The following SLC19A1 variants were observed in gnomAD, a reference collection of about 807,000 sequenced individuals.
SLC19A1 encodes the protein solute carrier family 19 member 1.
SLC19A1 carries 37 observed loss-of-function variants against 35.3 expected under a neutral mutation model. The ratio of observed to expected loss-of-function variants is 1.05; its 90% CI spans 0.81 to 1.38. The LOEUF is 1.38. Among genes scored for constraint, SLC19A1 ranks in the 40% most tolerant of loss-of-function variants. SLC19A1 has a pLI of 0.00. For missense variants in SLC19A1, 831 were observed against 826.9 expected, an observed-to-expected ratio of 1.00 and a Z score of -0.06; for synonymous variants, 460 against 398.5, an observed-to-expected ratio of 1.15 and a Z score of -1.84.
chr21:45,507,732 A>G, downstream of SLC19A1: 1 of 823,454 alleles, frequency 1.2e-6, no homozygotes, highest in Non-Finnish European at 2.0e-6. Flanking sequence ...CCCCTGCTGC[A>G]GAAACTGGTG....
chr21:45,509,385 C>G (rs529776494), downstream of SLC19A1: 2 of 1,542,062 alleles, frequency 1.3e-6, no homozygotes, highest in Non-Finnish European at 1.7e-6. Flanking sequence ...TGCAGCCCCC[C>G]GTGGTGCAGC....
At chr21:45,523,947 G>A (rs1176796073) in intron 5 of SLC19A1, among the ~76,000 whole-genome samples, 2 of 152,192 alleles carry the variant, frequency 1.3e-5, no homozygotes, top group African/African-American at 2.4e-5. Flanking sequence ...TTCAACAGAA[G>A]CCTTCTGGGC....
intron 4 of SLC19A1, among the ~76,000 whole-genome samples, chr21:45,529,779 AGTGTGGTGTATCCATCTGTGAGT>A (rs1205017753): frequency 6.1e-5 from 9 of 146,804 alleles, no homozygotes; most frequent in African/African-American, 1.5e-4. Context: ...TGTTCATGTG[AGTGTGGTGTATCCATCTGTGAGT>A]GTGTGGTGTG....
In SLC19A1 at chr21:45,515,685, G is replaced by T; in HGVS notation, c.1749C>A (p.Ser583Arg). 1.2e-6 allele frequency: 2 copies of T among 1,613,714 alleles called. No individual in the cohort carries two copies. Among genetic ancestry groups the T allele is most frequent in the Non-Finnish European group, 1.7e-6 (2 of 1,180,014 alleles). The change falls in exon 6 of 6, where the codon AGC (serine) becomes AGA (arginine). Residue 583 changes from serine (S) to arginine (R), a missense_variant. Coordinates refer to ENST00000311124, the MANE Select transcript of SLC19A1 (RefSeq NM_194255.4). Reference protein sequence around the residue: ...VSKLGLQCLPSDGVQNVNQ With the variant: ...VSKLGLQCLPRDGVQNVNQ ...ACTGGTTCACATTCTGAACACCGTC[G>T]CTTGGAAGACACTGCAAACCCAGCT...
Position 45,530,653 on chromosome 21 carries a change from G to C in SLC19A1, c.1151+117C>G, listed in dbSNP as rs967694574. 6.4e-6 allele frequency: 7 copies of C among 1,089,738 alleles called. No individual in the cohort carries two copies. The highest frequency in any genetic ancestry group is 5.1e-5 in the Admixed American group (2 of 39,596). 67.5% of individuals were successfully genotyped at this position (1,089,738 alleles called of 1,614,324 possible). ...CCCTGGTCAGCTCCAGGTGGCTGGC[G>C]GGGCCAGCAGTGGCACAGCCGCTGG... On this transcript the variant is annotated intron_variant, in intron 4 of 5. Transcript: ENST00000311124. The surrounding 1 kb of genome is among the most constrained non-coding windows in gnomAD (Gnocchi z 5.3).
upstream of SLC19A1, among the ~76,000 whole-genome samples, chr21:45,543,197 T>C (rs2078364666): frequency 6.6e-6 from 1 of 152,042 alleles, no homozygotes; most frequent in East Asian, 1.9e-4. Flanking sequence ...CCTGGGCCAC[T>C]CTCCCAGGAA....
downstream of SLC19A1, among the ~76,000 whole-genome samples, chr21:45,510,561 C>T (rs1232637782): frequency 6.6e-6 from 1 of 152,134 alleles, no homozygotes; most frequent in East Asian, 1.9e-4. Flanking sequence ...GCTGCTGGAC[C>T]AAGTGTCCAC....
At chr21:45,506,352 G>T (rs917223190) in intron 3 of SLC19A1, 8 of 354,618 alleles carry the variant, frequency 2.3e-5, no homozygotes, top group African/African-American at 4.3e-5. Flanking sequence ...GGCCCCGGCT[G>T]GGGGGCAGGC....
At position 45,515,287 on chromosome 21, in the gene SLC19A1, G is replaced by A; in HGVS notation, c.*371C>T. On this transcript the variant is annotated 3_prime_UTR_variant, in exon 6 of 6. Coordinates refer to ENST00000311124, the MANE Select transcript of SLC19A1 (RefSeq NM_194255.4). ...CCTAGAGGGCTCACAACTCCTGTGG[G>A]GCCAGTGTCCCCTGAGCTGGTATCC... 3.4e-6 allele frequency: 5 copies of A among 1,480,850 alleles called. No homozygotes were observed. The highest frequency in any genetic ancestry group is 4.4e-6 in the Non-Finnish European group (5 of 1,129,332). 91.7% of individuals were successfully genotyped at this position (1,480,850 alleles called of 1,614,324 possible).
downstream of SLC19A1, among the ~76,000 whole-genome samples, chr21:45,508,443 G>A: frequency 6.6e-6 from 1 of 151,030 alleles, no homozygotes; most frequent in South Asian, 2.1e-4. Flanking sequence ...TGGTGGGTAA[G>A]TGGGTGAGTG....
In SLC19A1 at chr21:45,516,280, G is replaced by A. The variant is rs542261978; in HGVS notation, c.1294-140C>T. On this transcript the variant is annotated intron_variant, in intron 5 of 5. Coordinates refer to ENST00000311124, the MANE Select transcript of SLC19A1 (RefSeq NM_194255.4). Reference sequence around the variant, plus strand: ...AACACTGCACAGCGGTCAGAGGCCAGCCCCAGGAGCAGGTGCCACAGTGCT... The same window carrying A: ...AACACTGCACAGCGGTCAGAGGCCAACCCCAGGAGCAGGTGCCACAGTGCT... 6.8e-5 allele frequency: 45 copies of A among 662,582 alleles called. No individual in the cohort carries two copies. In the South Asian group the frequency reaches 8.7e-4, roughly 13 times the overall value. The allele number at this position is 662,582 out of a possible 1,614,324, so 41.0% of individuals were successfully genotyped here. A position where few individuals can be genotyped will look rare whatever the true frequency, so the allele number is the denominator to read the frequency against.
At chr21:45,548,698 C>T (rs943194106), upstream of SLC19A1, among the ~76,000 whole-genome samples, 1 of 152,064 alleles carries the variant, frequency 6.6e-6, no homozygotes, top group Non-Finnish European at 1.5e-5. Context: ...GAGCCGAGAG[C>T]TCACCTCTGC....
At chr21:45,504,219 G>A (rs868489668) in intron 3 of SLC19A1, 2 of 937,950 alleles carry the variant, frequency 2.1e-6, no homozygotes, top group Admixed American at 2.1e-5. Flanking sequence ...GGATGTTCCT[G>A]TCCCCGGCTC....
In SLC19A1 at chr21:45,532,056, C is replaced by T. The variant is rs778659888; in HGVS notation, c.282G>A (p.Pro94=). 1.2e-5 allele frequency: 19 copies of T among 1,612,356 alleles called. No individual in the cohort carries two copies. Among genetic ancestry groups the T allele is most frequent in the Non-Finnish European group, 1.2e-5 (14 of 1,179,776 alleles). ...AGCTGAGCCCCTGCAGCAGCAGCACCGGCGTGTAGCGCAGGTAGTCGGTGA... is the reference window on the plus strand; with the variant it reads ...AGCTGAGCCCCTGCAGCAGCAGCACTGGCGTGTAGCGCAGGTAGTCGGTGA... ...FLLTDYLRYT[P]VLLLQGLSFV... Residue 94 remains proline (P), a synonymous_variant, in exon 3 of 6, where the codon CCG becomes CCA. Transcript: ENST00000311124.
intron 3 of SLC19A1, among the ~76,000 whole-genome samples, chr21:45,503,208 T>C (rs1235159032): frequency 2.0e-5 from 3 of 152,196 alleles, no homozygotes; most frequent in Non-Finnish European, 4.4e-5. Flanking sequence ...GTGTTCCTAT[T>C]TCTCTACATC....
chr21:45,560,713 C>T (rs2838961), intron 1 of SLC19A1, among the ~76,000 whole-genome samples: 57,774 of 152,118 alleles, frequency 0.38, 10,991 homozygotes, highest in East Asian at 0.42. Context: ...AGGTGCCTTG[C>T]GGAGTGGTGA....
At position 45,516,002 on chromosome 21, in the gene SLC19A1, C is replaced by A; in HGVS notation, c.1432G>T (p.Glu478Ter). 6.4e-7 allele frequency: 1 copy of A among 1,569,612 alleles called. No individual in the cohort carries two copies. Among genetic ancestry groups the A allele is most frequent in the South Asian group, 1.2e-5 (1 of 86,080 alleles). ...ACGCTCAGTGCCTGTGCTGCCTTCTCCTCCGCGGCACTCCTCAGGCCCTGG... is the reference window on the plus strand; with the variant it reads ...ACGCTCAGTGCCTGTGCTGCCTTCTACTCCGCGGCACTCCTCAGGCCCTGG... ...PAQGLRSAAEEKAAQALSVQD... is the reference protein window; with the variant it reads ...PAQGLRSAAE Residue 478 changes from glutamate to a stop codon, truncating the protein, a stop_gained, in exon 6 of 6, where the codon GAG becomes TAG. Coordinates refer to ENST00000311124, the MANE Select transcript of SLC19A1 (RefSeq NM_194255.4). LOFTEE classifies it low-confidence loss of function (END_TRUNC).
At position 45,514,184 on chromosome 21, in the gene SLC19A1, A is replaced by T. The variant is rs2037766960; in HGVS notation, c.*1474T>A. On this transcript the variant is annotated 3_prime_UTR_variant, in exon 6 of 6. Coordinates refer to ENST00000311124, the MANE Select transcript of SLC19A1 (RefSeq NM_194255.4). ...GGCCTCCCCAGTGACGCTCTAGCCC[A>T]TGGCACAGGCCCAGCCCACCTCCAC... 1 of 152,064 alleles carries T rather than the reference A, an allele frequency of 6.6e-6. No individual in the cohort carries two copies. Among genetic ancestry groups the T allele is most frequent in the African/African-American group, 2.4e-5 (1 of 41,332 alleles). 9.4% of individuals were successfully genotyped at this position (152,064 alleles called of 1,614,324 possible). A position where few individuals can be genotyped will look rare whatever the true frequency, so the allele number is the denominator to read the frequency against.
At position 45,530,816 on chromosome 21, in the gene SLC19A1, A is replaced by T; in HGVS notation, c.1105T>A (p.Phe369Ile). 1 of 1,562,656 alleles carries T rather than the reference A, an allele frequency of 6.4e-7. No individual in the cohort carries two copies. Among genetic ancestry groups the T allele is most frequent in the Non-Finnish European group, 8.7e-7 (1 of 1,154,746 alleles). ...PSSIWLCYAA[F>I]VLFRGSYQFL... is the part of the protein sequence containing the mutation. ...TGGTAGGAGCCGCGGAACAGCACGAAGGCCGCATAGCACAGCCAGATGCTG... is the reference window on the plus strand; with the variant it reads ...TGGTAGGAGCCGCGGAACAGCACGATGGCCGCATAGCACAGCCAGATGCTG... The change falls in exon 4 of 6, where the codon TTC becomes ATC. Residue 369 changes from phenylalanine (F) to isoleucine (I), a missense_variant. Coordinates refer to ENST00000311124, the MANE Select transcript of SLC19A1 (RefSeq NM_194255.4). This position sits in a 1 kb window ranked among gnomAD's most constrained non-coding sequence, Gnocchi z 5.3.
Sources: gnomAD v4.1 joint callset for allele counts (sites outside exome capture counted in the v4.1 genomes callset) on GRCh38, gnomAD v4.1.1 for gene constraint, Gnocchi (gnomAD v3.1) non-coding constraint, MANE v1.5 for transcripts, NCBI Gene and HGNC (gene_info 2026-07-23, HGNC 2026-07-21) for gene names.